Variants in HBP1 observed in about 807,000 individuals in gnomAD.
HBP1 encodes the protein HMG box-containing protein 1.
In HBP1, 20 loss-of-function variants were observed where a neutral mutation model predicts 62.6. The ratio of observed to expected loss-of-function variants is 0.32; its 90% CI spans 0.22 to 0.46. HBP1 has a LOEUF of 0.46. Ranked by LOEUF, HBP1 falls within the 20% of genes least tolerant of loss-of-function variation. The pLI, the probability that HBP1 is intolerant of heterozygous loss-of-function variation, is 1.00. For missense variants in HBP1, 480 were observed against 611.8 expected (o/e 0.78, Z 2.27); for synonymous variants, 232 against 206.2 (o/e 1.12, Z -1.07).
intron 8 of HBP1, among the ~76,000 whole-genome samples, chr7:107,190,545 AACATTT>A: frequency 6.6e-6 from 1 of 152,288 alleles, no homozygotes; most frequent in Non-Finnish European, 1.5e-5. Context: ...GAGTTTATAA[AACATTT>A]AGGATTAGAT....
At chr7:107,189,610 G>T (rs1035530042) in intron 7 of HBP1, among the ~76,000 whole-genome samples, 162 bp downstream of exon 7, 3 of 152,114 alleles carry the variant, frequency 2.0e-5, no homozygotes, top group Admixed American at 6.5e-5. Context: ...ATACCTAATG[G>T]TGCGTAAGTA....
intron 2 of HBP1, among the ~76,000 whole-genome samples, chr7:107,181,705 C>T (rs1197073917): frequency 6.6e-6 from 1 of 150,812 alleles, no homozygotes. Flanking sequence ...CTACTACATA[C>T]ACACATACAT....
intron 6 of HBP1, among the ~76,000 whole-genome samples, chr7:107,188,843 C>CTTAA (rs1335453036): frequency 6.6e-6 from 1 of 152,136 alleles, no homozygotes. Flanking sequence ...CTTTGCCTGT[C>CTTAA]TTTAAGAGGC....
intron 6 of HBP1, among the ~76,000 whole-genome samples, chr7:107,187,412 T>A (rs1797442397): frequency 6.6e-6 from 1 of 152,194 alleles, no homozygotes; most frequent in African/African-American, 2.4e-5. Flanking sequence ...AAAACTAGCA[T>A]TTTCTAAGTC....
intron 1 of HBP1, among the ~76,000 whole-genome samples, chr7:107,172,543 A>ATT: frequency 6.6e-6 from 1 of 152,178 alleles, no homozygotes; most frequent in Non-Finnish European, 1.5e-5. Context: ...ACTTATTTGA[A>ATT]TTGACAGTAC....
intron 6 of HBP1, 150 bp downstream of exon 6, chr7:107,186,831 A>G: frequency 1.6e-6 from 1 of 613,900 alleles, no homozygotes. Context: ...CTCATTGCTT[A>G]GTCTGATGGG....
intron 1 of HBP1, chr7:107,169,875 G>C (rs923544377): frequency 5.1e-6 from 5 of 985,454 alleles, no homozygotes; most frequent in Non-Finnish European, 6.0e-6. Context: ...GCGTGAACCG[G>C]GAGGCACCGC....
chr7:107,195,063 C>T (rs1017100953), intron 8 of HBP1, among the ~76,000 whole-genome samples: 9 of 152,118 alleles, frequency 5.9e-5, no homozygotes, highest in African/African-American at 9.7e-5. Context: ...TTTTTTGAGA[C>T]GGAGTCTCAC....
intron 1 of HBP1, among the ~76,000 whole-genome samples, chr7:107,175,962 C>T (rs923407622): frequency 9.9e-5 from 15 of 152,088 alleles, no homozygotes; most frequent in Non-Finnish European, 7.4e-5. Context: ...GTGATCTGCC[C>T]GCCTCAGCCT....
At chr7:107,171,986 C>CT (rs1211110536) in intron 1 of HBP1, among the ~76,000 whole-genome samples, 1 of 151,568 alleles carries the variant, frequency 6.6e-6, no homozygotes, top group Non-Finnish European at 1.5e-5. Flanking sequence ...TGCCAGATAC[C>CT]TGCATATCAC....
intron 2 of HBP1, among the ~76,000 whole-genome samples, chr7:107,182,166 G>T (rs1221916922): frequency 6.6e-6 from 1 of 152,098 alleles, no homozygotes; most frequent in East Asian, 1.9e-4. Context: ...ACTCCTAGGT[G>T]AGGTACAAAA....
chr7:107,193,631 T>C (rs1264421728), intron 8 of HBP1, among the ~76,000 whole-genome samples: 1 of 152,244 alleles, frequency 6.6e-6, no homozygotes, highest in East Asian at 1.9e-4. Context: ...AAATTTTCCA[T>C]TATTATGTTA....
intron 8 of HBP1, 115 bp from the exon 9 acceptor site, chr7:107,195,719 A>G: frequency 2.0e-6 from 1 of 501,966 alleles, no homozygotes; most frequent in Non-Finnish European, 3.3e-6. Context: ...ATATAGGGGG[A>G]AATGCACTGA....
At chr7:107,199,524 A>ATCAG (rs561492562) in intron 9 of HBP1, among the ~76,000 whole-genome samples, 5 of 152,210 alleles carry the variant, frequency 3.3e-5, no homozygotes, top group Admixed American at 6.5e-5. Flanking sequence ...TGGCTTCCAT[A>ATCAG]TCAGTCAGTA....
chr7:107,200,176 C>G lies in HBP1; in HGVS notation c.1402C>G (p.Leu468Val). ...GKDNRAISVI[L>V]GDRWKKMKNE... Reference sequence around the variant, plus strand: ...ATTTTACAGAGCCATAAGTGTGATCCTTGGTGACAGGTGGAAGAAAATGAA... The same window carrying G: ...ATTTTACAGAGCCATAAGTGTGATCGTTGGTGACAGGTGGAAGAAAATGAA... The change falls in exon 10 of 11, where the codon CTT (leucine) becomes GTT (valine). Residue 468 changes from leucine (L) to valine (V), a missense_variant. Physicochemically the swap from Leu to Val is conservative, Grantham distance 32. Around this residue, in one of 4 missense-constraint regions of HBP1, gnomAD observed 52 missense variants for 96.0 expected, o/e 0.54. Transcript: ENST00000222574. 6.2e-7 allele frequency: 1 copy of G among 1,604,006 alleles called. No homozygotes were observed. The highest frequency in any genetic ancestry group is 8.5e-7 in the Non-Finnish European group (1 of 1,174,930).
intron 2 of HBP1, among the ~76,000 whole-genome samples, chr7:107,180,452 A>G (rs138936015): frequency 1.3e-5 from 2 of 152,182 alleles, no homozygotes; most frequent in Admixed American, 6.5e-5. Flanking sequence ...AAACTTGAGG[A>G]TCTGACATTT....
chr7:107,189,364 T>C lies in HBP1; in HGVS notation c.838T>C (p.Leu280=), dbSNP rs200723356. 6.2e-7 allele frequency: 1 copy of C among 1,612,606 alleles called. No individual in the cohort carries two copies. Among genetic ancestry groups the C allele is most frequent in the Non-Finnish European group, 8.5e-7 (1 of 1,178,666 alleles). Residue 280 remains leucine (L), a synonymous_variant, in exon 7 of 11, where the codon TTG becomes CTG. Coordinates refer to ENST00000222574, the MANE Select transcript of HBP1 (RefSeq NM_012257.4). The part of the protein sequence containing the change: ...SVSFGESVLK[L]TFDPGTVEDG... ...ATCATTTGGCGAGTCTGTACTGAAG[T>C]TGACTTTTGATCCTGGTACAGTAGA...
chr7:107,174,220 A>G (rs1455560084), intron 1 of HBP1, among the ~76,000 whole-genome samples: 2 of 152,222 alleles, frequency 1.3e-5, no homozygotes, highest in African/African-American at 2.4e-5. Flanking sequence ...AGCTAGTAAG[A>G]GTGAAACTGA....
chr7:107,195,748 T>C, intron 8 of HBP1, 86 bp from the exon 9 acceptor site: 1 of 689,364 alleles, frequency 1.5e-6, no homozygotes, highest in Non-Finnish European at 2.1e-6. Context: ...ATCAGATGTT[T>C]TCTTTTTTTT....
Sources: gnomAD v4.1 joint callset for allele counts (sites outside exome capture counted in the v4.1 genomes callset) on GRCh38, gnomAD v4.1.1 for gene constraint, gnomAD v4.1.1 regional missense constraint, MANE v1.5 for transcripts, NCBI Gene and HGNC (gene_info 2026-07-23, HGNC 2026-07-21) for gene names.